HELB: variants seen among roughly 807,000 people sequenced by gnomAD.
HELB encodes the protein DNA helicase B.
A neutral mutation model predicts 101.7 loss-of-function variants in HELB; 96 were observed. That is an observed-to-expected ratio of 0.94 (90% CI 0.80 to 1.12). The LOEUF (loss-of-function observed/expected upper bound fraction) is 1.12, where lower values mean the gene tolerates loss of function less well. Among genes scored for constraint, HELB ranks in the 50% most tolerant of loss-of-function variants. The pLI, the probability that HELB is intolerant of heterozygous loss-of-function variation, is 0.00. For missense variants in HELB, 1,210 were observed against 1,291.9 expected, an observed-to-expected ratio of 0.94 and a Z score of 0.97; for synonymous variants, 437 against 459.7, an observed-to-expected ratio of 0.95 and a Z score of 0.63.
In HELB at chr12:66,315,315, A is replaced by G; in HGVS notation, c.1932A>G (p.Arg644=). The G allele has an allele frequency of 6.2e-7, 1 of 1,609,292 alleles. No individual in the cohort carries two copies. The highest frequency in any genetic ancestry group is 8.5e-7 in the Non-Finnish European group (1 of 1,177,580). The change falls in exon 6 of 13, where the codon AGA becomes AGG. Residue 644 remains arginine (R), a synonymous_variant. Transcript: ENST00000247815. The part of the protein sequence containing the change: ...LKDLFETLKS[R]NCAIELKTNH... ...ATCTTTTTGAGACTCTTAAGTCAAG[A>G]AATTGTGCTATTGAGCTAAAGACAA... is the stretch of plus-strand genomic sequence containing the variant.
chr12:66,324,445 G>T (rs1186212520), intron 10 of HELB: 3 of 371,314 alleles, frequency 8.1e-6, no homozygotes, highest in Non-Finnish European at 1.4e-5. Flanking sequence ...GTTGGGAAGT[G>T]CTTCTTCTTA....
At position 66,310,440 on chromosome 12, in the gene HELB, T is replaced by A; in HGVS notation, c.1512T>A (p.Cys504Ter). 3 of 1,614,124 alleles carry A rather than the reference T, an allele frequency of 1.9e-6. No homozygotes were observed. Among genetic ancestry groups the A allele is most frequent in the Non-Finnish European group, 1.7e-6 (2 of 1,180,026 alleles). Residue 504 changes from cysteine (C) to a stop codon, truncating the protein, a stop_gained, in exon 4 of 13, where the codon TGT becomes TGA. Coordinates refer to ENST00000247815, the MANE Select transcript of HELB (RefSeq NM_001370285.1). LOFTEE classifies it high-confidence loss of function. ...AAGAAAGAGAAGTAAAAAAAGCCTG[T>A]GAAGATTTTGAACAAGACCAGAATG... ...QLEEREVKKA[C>*]EDFEQDQNAS...
intron 11 of HELB, among the ~76,000 whole-genome samples, chr12:66,326,365 C>G (rs1270884396): frequency 6.6e-6 from 1 of 151,996 alleles, no homozygotes; most frequent in Non-Finnish European, 1.5e-5. Flanking sequence ...GCCTCAGCTT[C>G]CCGAGTAGCT....
intron 3 of HELB, among the ~76,000 whole-genome samples, chr12:66,308,355 T>G (rs1184177994): frequency 1.3e-5 from 2 of 152,150 alleles, no homozygotes; most frequent in Non-Finnish European, 2.9e-5. Context: ...CTGGAAGTGT[T>G]TTCTCCTGTC....
intron 4 of HELB, 99 bp from the exon 5 acceptor site, chr12:66,313,887 C>T (rs2053570468): frequency 7.8e-6 from 8 of 1,022,288 alleles, no homozygotes; most frequent in South Asian, 1.3e-5. Context: ...CCACCCACCC[C>T]TGCCAATTTA....
At chr12:66,340,088 A>C (rs2053906547), downstream of HELB, 1 of 152,210 alleles carries the variant, frequency 6.6e-6, no homozygotes, top group African/African-American at 2.4e-5. Context: ...ATCTGTGTAT[A>C]AGTTTTTATG....
chr12:66,330,067 A>G (rs557043731), intron 11 of HELB, among the ~76,000 whole-genome samples: 7 of 152,324 alleles, frequency 4.6e-5, no homozygotes, highest in African/African-American at 1.7e-4. Flanking sequence ...TACTTGCCCC[A>G]TCTTGTCAGT....
intron 2 of HELB, among the ~76,000 whole-genome samples, chr12:66,305,517 G>A (rs1052392015): frequency 6.6e-6 from 1 of 152,160 alleles, no homozygotes; most frequent in African/African-American, 2.4e-5. Context: ...TGAGGCAGGA[G>A]GATCACTTGA....
intron 11 of HELB, among the ~76,000 whole-genome samples, chr12:66,330,253 T>C (rs953067554): frequency 5.3e-5 from 8 of 152,188 alleles, no homozygotes; most frequent in Non-Finnish European, 1.5e-5. Context: ...ATATTGAGTA[T>C]TTTTCTTGCC....
chr12:66,320,795 A>G (rs1257365199), intron 7 of HELB, among the ~76,000 whole-genome samples: 1 of 152,252 alleles, frequency 6.6e-6, no homozygotes, highest in African/African-American at 2.4e-5. Context: ...ATTACAAAGT[A>G]CTAAGACCTA....
chr12:66,327,052 A>T (rs1045848038), intron 11 of HELB, among the ~76,000 whole-genome samples: 3 of 126,732 alleles, frequency 2.4e-5, no homozygotes, highest in African/African-American at 1.0e-4. Context: ...AAAAAAAAAA[A>T]AAAAAAAAAA....
intron 2 of HELB, 60 bp from the exon 3 acceptor site, chr12:66,306,285 A>C: frequency 7.7e-7 from 1 of 1,299,220 alleles, no homozygotes; most frequent in Non-Finnish European, 1.0e-6. Flanking sequence ...AAAGTACTTC[A>C]AATCAGTCAT....
chr12:66,324,762 A>T (rs1443316546), intron 10 of HELB: 6 of 505,058 alleles, frequency 1.2e-5, no homozygotes, highest in Non-Finnish European at 1.8e-5. Context: ...CAAATTGAAG[A>T]TAAGTTTCAA....
chr12:66,322,712 C>T lies in HELB; in HGVS notation c.2238-12C>T, dbSNP rs2053685257. The T allele has an allele frequency of 1.6e-5, 26 of 1,599,596 alleles. No homozygotes were observed. The highest frequency in any genetic ancestry group is 4.5e-5 in the East Asian group (2 of 44,658). On this transcript the variant is annotated splice_polypyrimidine_tract_variant and intron_variant, in intron 8 of 12. Transcript: ENST00000247815. ...ACCATTAAGGTGACCCCTGCATTTT[C>T]GTGTGTTTCAGGCAAGACTGTGATC...
chr12:66,311,936 A>G (rs2053549758), intron 4 of HELB, among the ~76,000 whole-genome samples: 1 of 152,186 alleles, frequency 6.6e-6, no homozygotes. Flanking sequence ...GGAGAAGGAC[A>G]TTGGACTTAG....
chr12:66,330,596 A>T (rs1287427373), intron 11 of HELB, among the ~76,000 whole-genome samples: 1 of 148,358 alleles, frequency 6.7e-6, no homozygotes, highest in Non-Finnish European at 1.5e-5. Context: ...TATGGTTTTT[A>T]AAATGTGGCT....
intron 11 of HELB, among the ~76,000 whole-genome samples, chr12:66,327,157 C>A (rs2137010954): frequency 6.7e-6 from 1 of 148,936 alleles, no homozygotes; most frequent in East Asian, 2.0e-4. Context: ...TGGAATGCAG[C>A]CATGCCCGCT....
At chr12:66,336,889 A>G (rs17120630) in intron 12 of HELB, among the ~76,000 whole-genome samples, 5,079 of 152,264 alleles carry the variant, frequency 0.033, 303 homozygotes, top group African/African-American at 0.11. Context: ...TGATGGTGAT[A>G]TTGACTGAGG....
intron 11 of HELB, among the ~76,000 whole-genome samples, chr12:66,327,899 C>T (rs1047855567): frequency 2.0e-5 from 3 of 152,058 alleles, no homozygotes; most frequent in Non-Finnish European, 4.4e-5. Context: ...AATAGAATGT[C>T]GATATAAGCC....
Sources: allele counts gnomAD v4.1 joint callset (sites outside exome capture counted in the v4.1 genomes callset), GRCh38; gene constraint gnomAD v4.1.1; transcripts MANE v1.5; gene names NCBI Gene and HGNC (gene_info 2026-07-23, HGNC 2026-07-21).